FKBP6: variants seen among roughly 807,000 people sequenced by gnomAD.
The protein encoded by FKBP6 is inactive peptidyl-prolyl cis-trans isomerase FKBP6.
FKBP6 carries 29 observed loss-of-function variants against 41.7 expected under a neutral mutation model. The observed-to-expected ratio is 0.70, with a 90% CI of 0.52 to 0.95. FKBP6 has a LOEUF of 0.95. FKBP6 is among the 40% of genes least tolerant of loss of function. FKBP6 has a pLI of 0.00. For synonymous variants in FKBP6, 130 were observed against 165.1 expected, an observed-to-expected ratio of 0.79 and a Z score of 1.63; for missense variants, 338 against 408.7, an observed-to-expected ratio of 0.83 and a Z score of 1.49.
intron 5 of FKBP6, among the ~76,000 whole-genome samples, chr7:73,339,365 T>C (rs782041812): frequency 1.4e-4 from 21 of 152,232 alleles, no homozygotes; most frequent in Non-Finnish European, 2.8e-4. Flanking sequence ...GACACCCTTA[T>C]TGAAAATCAG....
At chr7:73,329,773 A>C (rs1223856871) in intron 3 of FKBP6, 1 of 528,542 alleles carries the variant, frequency 1.9e-6, no homozygotes, top group Non-Finnish European at 3.4e-6. Context: ...AGATTAGAAC[A>C]TCTCCACCCT....
At chr7:73,340,093 AC>A (rs34823076) in intron 5 of FKBP6, among the ~76,000 whole-genome samples, 20,756 of 152,156 alleles carry the variant, frequency 0.14, 1,617 homozygotes, top group East Asian at 0.28. Flanking sequence ...TCTTTCAACA[AC>A]CATTTTGTAG....
At chr7:73,351,111 GCT>G (rs1266523268) in intron 8 of FKBP6, among the ~76,000 whole-genome samples, 1 of 151,774 alleles carries the variant, frequency 6.6e-6, no homozygotes, top group Admixed American at 6.6e-5. Context: ...ATGGAGTCTT[GCT>G]CTGTCACCCA....
At chr7:73,357,926 T>G (rs1469933130) in intron 8 of FKBP6, among the ~76,000 whole-genome samples, 1 of 149,782 alleles carries the variant, frequency 6.7e-6, no homozygotes, top group African/African-American at 2.5e-5. Context: ...AGGCAGAGGT[T>G]GCAGTGAGCA....
At chr7:73,347,796 C>G (rs1554550487) in intron 8 of FKBP6, among the ~76,000 whole-genome samples, 1 of 152,178 alleles carries the variant, frequency 6.6e-6, no homozygotes, top group African/African-American at 2.4e-5. Flanking sequence ...AGGCATGTGC[C>G]ACCACGTCCA....
intron 8 of FKBP6, 115 bp downstream of exon 8, chr7:73,343,014 A>C: frequency 1.3e-6 from 1 of 774,220 alleles, no homozygotes; most frequent in South Asian, 1.4e-5. Context: ...GGGGTAGACA[A>C]GTTCCTTGCT....
intron 2 of FKBP6, 141 bp downstream of exon 2, chr7:73,328,833 G>A: frequency 1.3e-6 from 2 of 1,485,004 alleles, no homozygotes; most frequent in Non-Finnish European, 1.9e-6. Flanking sequence ...TTTTGAAACG[G>A]GGTCTTGCTC....
chr7:73,331,631 T>C (rs782007581), intron 4 of FKBP6, 26 bp from the exon 5 acceptor site: 3 of 1,613,748 alleles, frequency 1.9e-6, no homozygotes, highest in Non-Finnish European at 2.5e-6. Context: ...GTTTCCTTGC[T>C]GAATATTCCT....
chr7:73,329,586 C>G (rs543660366), intron 3 of FKBP6, 137 bp downstream of exon 3: 53 of 733,766 alleles, frequency 7.2e-5, no homozygotes, highest in South Asian at 4.0e-4. Context: ...GGTAACACAG[C>G]CATGTTCTCT....
chr7:73,349,369 C>T (rs548822764), intron 8 of FKBP6, among the ~76,000 whole-genome samples: 4 of 146,560 alleles, frequency 2.7e-5, no homozygotes, highest in East Asian at 2.1e-4. Context: ...CACACCACTG[C>T]GCTCCAGCCT....
intron 5 of FKBP6, among the ~76,000 whole-genome samples, chr7:73,335,922 C>T (rs1804993612): frequency 6.6e-6 from 1 of 152,104 alleles, no homozygotes. Flanking sequence ...CACGTCTTTT[C>T]CTAGTGGAAA....
chr7:73,357,366 C>G (rs1805663385), intron 8 of FKBP6, among the ~76,000 whole-genome samples: 2 of 135,676 alleles, frequency 1.5e-5, no homozygotes, highest in Non-Finnish European at 1.5e-5. Context: ...ATAAGCAATT[C>G]TCCTTGCCTT....
At chr7:73,333,136 T>G (rs545854398) in intron 5 of FKBP6, among the ~76,000 whole-genome samples, 19 of 151,830 alleles carry the variant, frequency 1.3e-4, no homozygotes, top group Admixed American at 2.6e-4. Flanking sequence ...GCTGGCATGG[T>G]GGTGGGTGCC....
At chr7:73,345,534 T>C (rs1805311077) in intron 8 of FKBP6, among the ~76,000 whole-genome samples, 1 of 152,178 alleles carries the variant, frequency 6.6e-6, no homozygotes, top group Admixed American at 6.6e-5. Flanking sequence ...TAGAACCCCA[T>C]GAATGGGAGT....
rs373655523 is a variant in FKBP6, at chr7:73,331,201, C to T, written c.469-456C>T. The stretch of plus-strand genomic sequence containing the variant: ...GGGCAGAGCATCATGACCATAAAGA[C>T]TGCCAGGGCCCTGAGCAAACCAAGA... On this transcript the variant is annotated intron_variant, in intron 4 of 8. Transcript: ENST00000252037. 9.8e-5 allele frequency among the ~76,000 whole-genome samples: 15 copies of T among 152,316 alleles called. No homozygotes were observed. The South Asian group carries it at 3.1e-3, about 32-fold the overall frequency.
intron 4 of FKBP6, among the ~76,000 whole-genome samples, chr7:73,331,044 C>T (rs921038875): frequency 6.6e-6 from 1 of 152,206 alleles, no homozygotes; most frequent in African/African-American, 2.4e-5. Context: ...AGTGAGGGAG[C>T]TCACCCTTTT....
chr7:73,353,895 G>A (rs1292089475), intron 8 of FKBP6, among the ~76,000 whole-genome samples: 2 of 152,008 alleles, frequency 1.3e-5, no homozygotes, highest in East Asian at 1.9e-4. Context: ...CACCACGCCC[G>A]GCTTATTTTT....
intron 5 of FKBP6, among the ~76,000 whole-genome samples, chr7:73,339,769 A>G (rs1554549116): frequency 1.3e-5 from 2 of 151,798 alleles, no homozygotes; most frequent in African/African-American, 4.8e-5. Flanking sequence ...ACCTGCCACC[A>G]CACCCAGCTG....
At chr7:73,352,240 A>G (rs1554551216) in intron 8 of FKBP6, among the ~76,000 whole-genome samples, 1 of 152,208 alleles carries the variant, frequency 6.6e-6, no homozygotes, top group African/African-American at 2.4e-5. Flanking sequence ...CTGGGATTAT[A>G]GGCATGAGCC....
Sources: gnomAD v4.1 joint callset for allele counts (sites outside exome capture counted in the v4.1 genomes callset) on GRCh38, gnomAD v4.1.1 for gene constraint, MANE v1.5 for transcripts, NCBI Gene and HGNC (gene_info 2026-07-23, HGNC 2026-07-21) for gene names.